The following PNLIPRP3 variants were observed in gnomAD, a reference collection of about 807,000 sequenced individuals.
The protein encoded by PNLIPRP3 is pancreatic lipase related protein 3, also known as pancreatic lipase-related protein 3.
Under a neutral mutation model 52.8 loss-of-function variants are expected in PNLIPRP3, and 58 were observed. The observed-to-expected ratio is 1.10, with a 90% CI of 0.89 to 1.37. The LOEUF (loss-of-function observed/expected upper bound fraction) is 1.37. PNLIPRP3 is among the 40% of genes most tolerant of loss of function. The probability of loss-of-function intolerance (pLI) is 0.00; values close to 1 mark genes in which losing one functional copy is unlikely to be tolerated. For synonymous variants in PNLIPRP3, 192 were observed against 185.0 expected, an observed-to-expected ratio of 1.04 and a Z score of -0.31; for missense variants, 593 against 561.6, an observed-to-expected ratio of 1.06 and a Z score of -0.57.
At chr10:116,455,648 TC>T in intron 4 of PNLIPRP3, 73 bp from the exon 5 acceptor site, 5 of 1,114,810 alleles carry the variant, frequency 4.5e-6, no homozygotes, top group Admixed American at 2.2e-5. Context: ...CTTTTTTTTT[TC>T]TATTTTTAAA....
rs763021938 is a variant in PNLIPRP3 at position 116,436,705 on chromosome 10, C to G, written c.50-6C>G. ...TCTATACTGACACTCCACCTTTCTG[C>G]TGCAGGAAAAGAAGTTTGCTATGAA... On this transcript the variant is annotated splice_polypyrimidine_tract_variant and splice_region_variant and intron_variant, in intron 1 of 11. Coordinates refer to ENST00000369230, the MANE Select transcript of PNLIPRP3 (RefSeq NM_001011709.3). 33 of 1,602,746 alleles carry G rather than the reference C, an allele frequency of 2.1e-5. No individual in the cohort carries two copies. In the Middle Eastern group the frequency reaches 5.0e-4, roughly 24 times the overall value.
intron 2 of PNLIPRP3, chr10:116,440,158 T>C: frequency 1.7e-6 from 1 of 594,112 alleles, no homozygotes; most frequent in Non-Finnish European, 3.0e-6. Context: ...CAGGGCATAT[T>C]TATCCACTTA....
At chr10:116,443,398 A>C (rs1845886143) in intron 3 of PNLIPRP3, among the ~76,000 whole-genome samples, 1 of 152,012 alleles carries the variant, frequency 6.6e-6, no homozygotes, top group Non-Finnish European at 1.5e-5. Context: ...TCTTGAATAA[A>C]TTCTTCTCTT....
At chr10:116,428,318 A>G (rs1845665707) in intron 1 of PNLIPRP3, among the ~76,000 whole-genome samples, 1 of 152,286 alleles carries the variant, frequency 6.6e-6, no homozygotes, top group Non-Finnish European at 1.5e-5. Context: ...ATAAAGAAGC[A>G]TCTATTTCCA....
intron 3 of PNLIPRP3, among the ~76,000 whole-genome samples, chr10:116,443,398 ATTC>A (rs1297824434): frequency 1.3e-5 from 2 of 152,012 alleles, no homozygotes; most frequent in East Asian, 3.9e-4. Flanking sequence ...TCTTGAATAA[ATTC>A]TTCTCTTGAC....
At chr10:116,473,948 C>A (rs1238725521) in intron 10 of PNLIPRP3, among the ~76,000 whole-genome samples, 327 of 103,170 alleles carry the variant, frequency 3.2e-3, no homozygotes, top group Non-Finnish European at 3.7e-3. Flanking sequence ...CATATGGAAC[C>A]AAAAAAAAAA....
At chr10:116,442,096 C>T (rs1256555437) in intron 2 of PNLIPRP3, among the ~76,000 whole-genome samples, 1 of 152,136 alleles carries the variant, frequency 6.6e-6, no homozygotes, top group African/African-American at 2.4e-5. Flanking sequence ...ATAGGATTCA[C>T]CACTGTCAGA....
intron 1 of PNLIPRP3, among the ~76,000 whole-genome samples, chr10:116,434,922 G>T (rs983581668): frequency 4.6e-5 from 7 of 152,104 alleles, no homozygotes; most frequent in Middle Eastern, 3.2e-3. Flanking sequence ...GAGAAAAAAA[G>T]GCAACCAGAG....
At chr10:116,444,052 C>T (rs1845905519) in intron 3 of PNLIPRP3, among the ~76,000 whole-genome samples, 1 of 151,740 alleles carries the variant, frequency 6.6e-6, no homozygotes, top group African/African-American at 2.4e-5. Context: ...CGGAAGGCAC[C>T]GCTTCACTAG....
In PNLIPRP3 at chr10:116,436,816, T is replaced by A; in HGVS notation, c.155T>A (p.Ile52Lys). 1 of 1,613,556 alleles carries A rather than the reference T, an allele frequency of 6.2e-7. No individual in the cohort carries two copies. Among genetic ancestry groups the A allele is most frequent in the Non-Finnish European group, 8.5e-7 (1 of 1,179,690 alleles). Reference protein sequence around the residue: ...LVGLPWSPEKINTRFLLYTIH... With the variant: ...LVGLPWSPEKKNTRFLLYTIH... ...GGTTTACCCTGGTCTCCAGAGAAGA[T>A]AAACACTCGTTTCCTGCTCTACACT... is the stretch of plus-strand genomic sequence containing the variant. The change falls in exon 2 of 12, where the codon ATA becomes AAA. Residue 52 changes from isoleucine to lysine, a missense_variant. By Grantham distance (102) the Ile-to-Lys change is moderately radical (BLOSUM62 -3). Transcript: ENST00000369230.
intron 4 of PNLIPRP3, 121 bp downstream of exon 4, chr10:116,444,634 A>G (rs988543981): frequency 4.8e-6 from 5 of 1,035,222 alleles, no homozygotes; most frequent in Non-Finnish European, 4.2e-6. Context: ...ATGTGAAATA[A>G]TAAGCATTTG....
chr10:116,477,151 TA>T lies in PNLIPRP3; in HGVS notation c.1404del (p.Ter468TyrfsTer11). On this transcript the variant is annotated frameshift_variant and stop_lost, in exon 12 of 12. Transcript: ENST00000369230. LOFTEE classifies it high-confidence loss of function. Reference sequence around the variant, plus strand: ...TATTCTCCAGAACCTGAAACCATGCTAATCTCAGATACAGTCTTGATGGATT... The same window carrying T: ...TATTCTCCAGAACCTGAAACCATGCTATCTCAGATACAGTCTTGATGGATT... ...PNILQNLKPC* is the reference protein window; with the variant it reads ...PNILQNLKPCX The T allele has an allele frequency of 6.3e-7, 1 of 1,583,624 alleles. No individual in the cohort carries two copies. Among genetic ancestry groups the T allele is most frequent in the Non-Finnish European group, 8.7e-7 (1 of 1,155,416 alleles).
chr10:116,442,406 A>G (rs1845871811), intron 2 of PNLIPRP3, among the ~76,000 whole-genome samples: 1 of 152,220 alleles, frequency 6.6e-6, no homozygotes, highest in Non-Finnish European at 1.5e-5. Context: ...GCTTCTAGGC[A>G]TGTTTTAATT....
intron 7 of PNLIPRP3, among the ~76,000 whole-genome samples, chr10:116,461,643 T>A (rs1846194020): frequency 6.6e-6 from 1 of 152,204 alleles, no homozygotes; most frequent in Non-Finnish European, 1.5e-5. Context: ...CAAAGGTGCC[T>A]CCCTGATGGA....
intron 9 of PNLIPRP3, among the ~76,000 whole-genome samples, chr10:116,469,650 A>G (rs1846334747): frequency 6.6e-6 from 1 of 152,206 alleles, no homozygotes; most frequent in South Asian, 2.1e-4. Context: ...TTCCAGGCAG[A>G]AGTGACCACG....
rs1846378597 is a variant in PNLIPRP3, at chr10:116,471,863, GAGTTTGCCATTGTCAGGTAGGC to G, written c.1159_1172+8del. 4 of 1,590,232 alleles carry G rather than the reference GAGTTTGCCATTGTCAGGTAGGC, an allele frequency of 2.5e-6. No individual in the cohort carries two copies. The African/African-American group carries it at 5.4e-5, about 21-fold the overall frequency. On this transcript the variant is annotated splice_donor_variant and splice_donor_5th_base_variant and coding_sequence_variant and intron_variant, in exon 10 of 12. Transcript: ENST00000369230. LOFTEE classifies it high-confidence loss of function. The stretch of plus-strand genomic sequence containing the variant: ...AGGCGGGGCAGTTAGGAAAACTGGG[GAGTTTGCCATTGTCAGGTAGGC>G]AGAGTGAGAAACTGACGCTTTGCAC...
At chr10:116,437,480 G>C (rs1845791260) in intron 2 of PNLIPRP3, among the ~76,000 whole-genome samples, 2 of 152,166 alleles carry the variant, frequency 1.3e-5, no homozygotes, top group African/African-American at 4.8e-5. Flanking sequence ...CCACAGGCCT[G>C]TCTGATGAAT....
At chr10:116,447,320 C>T (rs1845967024) in intron 4 of PNLIPRP3, among the ~76,000 whole-genome samples, 1 of 152,146 alleles carries the variant, frequency 6.6e-6, no homozygotes, top group Admixed American at 6.5e-5. Context: ...GTTGGCTAGG[C>T]TGATTGGTGA....
chr10:116,456,373 G>T (rs941725869), intron 5 of PNLIPRP3, among the ~76,000 whole-genome samples: 1 of 152,150 alleles, frequency 6.6e-6, no homozygotes, highest in African/African-American at 2.4e-5. Flanking sequence ...AATGATTATG[G>T]CGATGGATGT....
Sources: allele counts gnomAD v4.1 joint callset (sites outside exome capture counted in the v4.1 genomes callset), GRCh38; gene constraint gnomAD v4.1.1; transcripts MANE v1.5; gene names NCBI Gene and HGNC (gene_info 2026-07-23, HGNC 2026-07-21).